Variants in PHACTR4 observed in about 807,000 individuals in gnomAD.
The protein encoded by PHACTR4 is phosphatase and actin regulator 4, also known as protein phosphatase 1, regulatory subunit 124.
PHACTR4 carries 51 observed loss-of-function variants against 72.7 expected under a neutral mutation model. That is an observed-to-expected ratio of 0.70 (90% CI 0.56 to 0.89). The LOEUF (loss-of-function observed/expected upper bound fraction) is 0.89. Among genes scored for constraint, PHACTR4 ranks in the 40% least tolerant of loss-of-function variants. PHACTR4 has a pLI of 0.00. For missense variants in PHACTR4, 731 were observed against 861.8 expected (o/e 0.85, Z 1.90); for synonymous variants, 255 against 302.5 (o/e 0.84, Z 1.63).
At chr1:28,459,524 C>T (rs1409545672) in intron 3 of PHACTR4, among the ~76,000 whole-genome samples, 14 of 151,400 alleles carry the variant, frequency 9.2e-5, no homozygotes, top group Admixed American at 8.6e-4. Context: ...GCCTCAGCCT[C>T]CCAAGTAGCT....
At chr1:28,400,921 T>C (rs1240502895) in intron 1 of PHACTR4, among the ~76,000 whole-genome samples, 1 of 152,058 alleles carries the variant, frequency 6.6e-6, no homozygotes, top group Admixed American at 6.6e-5. Flanking sequence ...GGGAAATATG[T>C]GATAGTGGTG....
intron 2 of PHACTR4, among the ~76,000 whole-genome samples, chr1:28,421,254 G>A (rs374119508): frequency 6.6e-6 from 1 of 152,102 alleles, no homozygotes; most frequent in South Asian, 2.1e-4. Flanking sequence ...ATGGGCATGT[G>A]CACATATATA....
chr1:28,447,371 A>G (rs1657559442), intron 2 of PHACTR4, among the ~76,000 whole-genome samples: 1 of 149,988 alleles, frequency 6.7e-6, no homozygotes, highest in Non-Finnish European at 1.5e-5. Context: ...CACAACCTAC[A>G]TATGTATTTC....
intron 1 of PHACTR4, among the ~76,000 whole-genome samples, chr1:28,380,586 CAT>C (rs1278098631): frequency 2.0e-5 from 3 of 152,136 alleles, no homozygotes; most frequent in African/African-American, 7.2e-5. Flanking sequence ...ATATTTGGAA[CAT>C]GTGATATTTG....
intron 1 of PHACTR4, among the ~76,000 whole-genome samples, chr1:28,384,241 C>T (rs1335161029): frequency 6.6e-6 from 1 of 152,100 alleles, no homozygotes; most frequent in African/African-American, 2.4e-5. Context: ...GGAATGGTAC[C>T]AGCTCTTCTT....
chr1:28,380,522 A>T (rs536151349), intron 1 of PHACTR4, among the ~76,000 whole-genome samples: 1 of 152,158 alleles, frequency 6.6e-6, no homozygotes, highest in East Asian at 1.9e-4. Context: ...TCTACTCTCC[A>T]ATAGGCACCA....
At chr1:28,471,133 A>G (rs151072960) in intron 6 of PHACTR4, among the ~76,000 whole-genome samples, 15,805 of 152,106 alleles carry the variant, frequency 0.1, 1,899 homozygotes, top group African/African-American at 0.3. Flanking sequence ...GGATCACCTG[A>G]GGTCGGGAGT....
At chr1:28,386,249 A>C (rs1200700728) in intron 1 of PHACTR4, among the ~76,000 whole-genome samples, 1 of 151,962 alleles carries the variant, frequency 6.6e-6, no homozygotes, top group Admixed American at 6.6e-5. Context: ...ATGTGCCACC[A>C]ATCTTAGCAA....
chr1:28,375,348 GA>G (rs1331917140), intron 1 of PHACTR4, among the ~76,000 whole-genome samples: 1 of 35,110 alleles, frequency 2.8e-5, no homozygotes, highest in Non-Finnish European at 5.5e-5. Context: ...AAAAACAAAA[GA>G]AAAGAAAACA....
chr1:28,484,669 A>C lies in PHACTR4; in HGVS notation c.1760+4065A>C, dbSNP rs1030900141. On this transcript the variant is annotated intron_variant, in intron 9 of 13. Transcript: ENST00000373839. ...CTCTCTTTTTTTTTTTCCTACCTTTAAAAATATAAAAACATGGGTCGGGCG... is the reference window on the plus strand; with the variant it reads ...CTCTCTTTTTTTTTTTCCTACCTTTCAAAATATAAAAACATGGGTCGGGCG... Among the ~76,000 whole-genome samples, 5 of 150,628 alleles carry C rather than the reference A, an allele frequency of 3.3e-5. No homozygotes were observed. In the Admixed American group the frequency reaches 3.3e-4, roughly 10 times the overall value.
chr1:28,373,386 G>T (rs1284146692), intron 1 of PHACTR4, among the ~76,000 whole-genome samples: 1 of 152,120 alleles, frequency 6.6e-6, no homozygotes, highest in African/African-American at 2.4e-5. Flanking sequence ...TGCCTCCCGG[G>T]TTTAAGTGAT....
At position 28,493,101 on chromosome 1, in the gene PHACTR4, A is replaced by C. The variant is rs566278631; in HGVS notation, c.2093+10A>C. ...GCAAACATTTTACACGGTAAGACCC[A>C]AAAGACCCAATCATATATGTGCTAG... On this transcript the variant is annotated intron_variant, in intron 13 of 13. Transcript: ENST00000373839. 1.0e-5 allele frequency: 16 copies of C among 1,605,586 alleles called. No individual in the cohort carries two copies. In the African/African-American group the frequency reaches 2.1e-4, roughly 21 times the overall value.
At chr1:28,444,131 G>A (rs1362162288) in intron 2 of PHACTR4, among the ~76,000 whole-genome samples, 2 of 151,578 alleles carry the variant, frequency 1.3e-5, no homozygotes, top group South Asian at 2.1e-4. Flanking sequence ...CTCCTAACTG[G>A]GGTGAGATGA....
chr1:28,429,087 C>G (rs1656060136), intron 2 of PHACTR4, among the ~76,000 whole-genome samples: 1 of 152,198 alleles, frequency 6.6e-6, no homozygotes, highest in Non-Finnish European at 1.5e-5. Context: ...TTGTTTTTCA[C>G]ATCCAGTGAG....
At chr1:28,467,991 C>T (rs559608370) in intron 6 of PHACTR4, among the ~76,000 whole-genome samples, 6 of 152,128 alleles carry the variant, frequency 3.9e-5, no homozygotes, top group East Asian at 3.9e-4. Context: ...TTCTTGTTCA[C>T]GATTGAACGA....
intron 4 of PHACTR4, 100 bp from the exon 5 acceptor site, chr1:28,465,585 A>G (rs1332062000): frequency 7.9e-7 from 1 of 1,261,406 alleles, no homozygotes; most frequent in Admixed American, 2.3e-5. Flanking sequence ...ACCCTGTCTC[A>G]ATTTAAAAAA....
At chr1:28,477,507 T>C (rs1660001770) in intron 8 of PHACTR4, among the ~76,000 whole-genome samples, 1 of 151,984 alleles carries the variant, frequency 6.6e-6, no homozygotes. Flanking sequence ...AATAGTAATA[T>C]ATATTTATGG....
chr1:28,451,717 C>T lies in PHACTR4; in HGVS notation c.17-7368C>T, dbSNP rs541041524. On this transcript the variant is annotated intron_variant, in intron 2 of 13. Transcript: ENST00000373839. ...GGAGTGCAGTGGCACAATCACAGCT[C>T]ACTACAGCCTCAACCTCCTCAGATC... Among the ~76,000 whole-genome samples the T allele has an allele frequency of 1.4e-4, 22 of 152,226 alleles. No individual in the cohort carries two copies. The South Asian group carries it at 3.7e-3, about 26-fold the overall frequency.
chr1:28,400,628 G>A (rs1653873993), intron 1 of PHACTR4, among the ~76,000 whole-genome samples: 1 of 151,896 alleles, frequency 6.6e-6, no homozygotes, highest in African/African-American at 2.4e-5. Flanking sequence ...CACCCAGGCT[G>A]GAGTGCAGTG....
Sources: allele counts gnomAD v4.1 joint callset (sites outside exome capture counted in the v4.1 genomes callset), GRCh38; gene constraint gnomAD v4.1.1; transcripts MANE v1.5; gene names NCBI Gene and HGNC (gene_info 2026-07-23, HGNC 2026-07-21).